Variants in GABRB2 observed in about 807,000 individuals in gnomAD.
GABRB2 encodes the protein gamma-aminobutyric acid receptor subunit beta-2.
In GABRB2, 16 loss-of-function variants were observed where a neutral mutation model predicts 54.7. The observed-to-expected ratio is 0.29, with a 90% CI of 0.20 to 0.44. GABRB2 has a LOEUF of 0.44. Ranked by LOEUF, GABRB2 falls within the 20% of genes least tolerant of loss-of-function variation. The probability of loss-of-function intolerance (pLI) is 1.00; values close to 1 mark genes in which losing one functional copy is unlikely to be tolerated. For missense variants in GABRB2, 355 were observed against 644.0 expected, an observed-to-expected ratio of 0.55 and a Z score of 4.86; for synonymous variants, 244 against 233.8, an observed-to-expected ratio of 1.04 and a Z score of -0.40.
At position 161,360,052 on chromosome 5, in the gene GABRB2, C is replaced by T. The variant is rs1213782812; in HGVS notation, c.542-23283G>A. On this transcript the variant is annotated intron_variant, in intron 5 of 9. Transcript: ENST00000393959. ...AAGGCAAGATTGTGCCACTGCACTACAGCCTTGGCGACACAGCGAGACTCC... is the reference window on the plus strand; with the variant it reads ...AAGGCAAGATTGTGCCACTGCACTATAGCCTTGGCGACACAGCGAGACTCC... Among the ~76,000 whole-genome samples, 18 of 150,446 alleles carry T rather than the reference C, an allele frequency of 1.2e-4. No homozygotes were observed. The Admixed American group carries it at 1.2e-3, about 10-fold the overall frequency.
At chr5:161,417,911 T>C (rs769049040) in intron 4 of GABRB2, among the ~76,000 whole-genome samples, 3 of 152,216 alleles carry the variant, frequency 2.0e-5, no homozygotes, top group Non-Finnish European at 4.4e-5. Flanking sequence ...CTCATAGTCA[T>C]ATGCACTACT....
rs1024844943 is a variant in GABRB2, at chr5:161,391,365, G to A, written c.541+19610C>T. 7.2e-5 allele frequency among the ~76,000 whole-genome samples: 11 copies of A among 152,228 alleles called. 1 individual carries two copies. The highest frequency in any genetic ancestry group is 2.4e-4 in the African/African-American group (10 of 41,560). ...TGTGAGAACTGTGGGTCAATTTAACGAGACAGGTTTTTAAACAATCTGTGA... is the reference window on the plus strand; with the variant it reads ...TGTGAGAACTGTGGGTCAATTTAACAAGACAGGTTTTTAAACAATCTGTGA... On this transcript the variant is annotated intron_variant, in intron 5 of 9. Coordinates refer to ENST00000393959, the MANE Select transcript of GABRB2 (RefSeq NM_001371727.1).
chr5:161,384,888 A>G (rs1018265202), intron 5 of GABRB2, among the ~76,000 whole-genome samples: 2 of 152,198 alleles, frequency 1.3e-5, no homozygotes, highest in African/African-American at 4.8e-5. Context: ...GATGTATGGT[A>G]GAAATGATGT....
chr5:161,516,831 G>A (rs1184970165), intron 3 of GABRB2, among the ~76,000 whole-genome samples: 1 of 152,050 alleles, frequency 6.6e-6, no homozygotes. Context: ...AGTATCCCAG[G>A]TGACAAAGAT....
chr5:161,540,793 A>T (rs1461028834), intron 3 of GABRB2, among the ~76,000 whole-genome samples: 1 of 152,110 alleles, frequency 6.6e-6, no homozygotes, highest in Non-Finnish European at 1.5e-5. Flanking sequence ...GTCAATGAGC[A>T]GCCATTATTT....
intron 4 of GABRB2, among the ~76,000 whole-genome samples, chr5:161,438,926 G>A (rs1012601397): frequency 6.6e-6 from 1 of 152,048 alleles, no homozygotes; most frequent in Admixed American, 6.6e-5. Flanking sequence ...CCTAAAAAGG[G>A]CAAATCTAAG....
At chr5:161,373,103 G>C (rs541741684) in intron 5 of GABRB2, among the ~76,000 whole-genome samples, 1 of 151,932 alleles carries the variant, frequency 6.6e-6, no homozygotes, top group African/African-American at 2.4e-5. Context: ...ATTCCTAACC[G>C]TATGCAAATG....
At chr5:161,325,186 A>G (rs1258812317) in intron 9 of GABRB2, among the ~76,000 whole-genome samples, 1 of 152,124 alleles carries the variant, frequency 6.6e-6, no homozygotes, top group African/African-American at 2.4e-5. Flanking sequence ...CAATCAAATC[A>G]GTCTACTTTA....
intron 4 of GABRB2, among the ~76,000 whole-genome samples, chr5:161,416,696 CAAAAAAAAAAAAA>C (rs70990782): frequency 1.1e-4 from 4 of 35,120 alleles, no homozygotes; most frequent in African/African-American, 2.0e-4. Context: ...GACTCCGTCT[CAAAAAAAAAAAAA>C]AAAAAAAAAA....
chr5:161,421,262 C>T (rs1034938871), intron 4 of GABRB2, among the ~76,000 whole-genome samples: 12 of 152,288 alleles, frequency 7.9e-5, no homozygotes, highest in East Asian at 1.9e-4. Flanking sequence ...TGAACAAAGA[C>T]GGCAAACTGT....
chr5:161,401,132 C>T (rs1398982460), intron 5 of GABRB2, among the ~76,000 whole-genome samples: 1 of 152,130 alleles, frequency 6.6e-6, no homozygotes, highest in African/African-American at 2.4e-5. Context: ...TTATGGTATA[C>T]ACATGCCCTT....
intron 5 of GABRB2, among the ~76,000 whole-genome samples, chr5:161,361,431 T>A (rs2113452481): frequency 6.6e-6 from 1 of 152,290 alleles, no homozygotes; most frequent in South Asian, 2.1e-4. Context: ...TATCTATGAT[T>A]TGATCCAGAC....
intron 3 of GABRB2, among the ~76,000 whole-genome samples, chr5:161,531,177 G>T (rs919840626): frequency 6.6e-6 from 1 of 152,062 alleles, no homozygotes; most frequent in Admixed American, 6.6e-5. Context: ...CCTAAAAATT[G>T]GCACCTGCTC....
At chr5:161,527,668 CAT>C (rs1760325380) in intron 3 of GABRB2, among the ~76,000 whole-genome samples, 1 of 151,316 alleles carries the variant, frequency 6.6e-6, no homozygotes, top group African/African-American at 2.4e-5. Context: ...TAATAAATGA[CAT>C]AAAAAGGCAA....
intron 3 of GABRB2, among the ~76,000 whole-genome samples, chr5:161,504,926 C>G (rs1377004550): frequency 1.3e-5 from 2 of 151,858 alleles, no homozygotes; most frequent in Non-Finnish European, 2.9e-5. Context: ...TATGAATAGG[C>G]CAATAACTAT....
chr5:161,456,065 A>G (rs1475785678), intron 4 of GABRB2, among the ~76,000 whole-genome samples: 2 of 152,178 alleles, frequency 1.3e-5, no homozygotes, highest in Non-Finnish European at 2.9e-5. Context: ...TCTTAATGGG[A>G]AAGAAGTTTA....
intron 5 of GABRB2, among the ~76,000 whole-genome samples, chr5:161,363,581 A>T (rs1754884244): frequency 6.6e-6 from 1 of 152,172 alleles, no homozygotes; most frequent in Non-Finnish European, 1.5e-5. Flanking sequence ...CCATGCCTAT[A>T]GTCCCAGCTA....
At chr5:161,408,455 T>TA (rs1022457184) in intron 5 of GABRB2, among the ~76,000 whole-genome samples, 2 of 151,994 alleles carry the variant, frequency 1.3e-5, no homozygotes, top group African/African-American at 4.8e-5. Context: ...CGATACCTGG[T>TA]AAAAGATTAG....
At chr5:161,305,405 T>C (rs953762694) in intron 9 of GABRB2, among the ~76,000 whole-genome samples, 1 of 152,230 alleles carries the variant, frequency 6.6e-6, no homozygotes, top group Admixed American at 6.5e-5. Context: ...AGAATGAAGT[T>C]AAGTTTTGCA....
Sources: allele counts gnomAD v4.1 joint callset (sites outside exome capture counted in the v4.1 genomes callset), GRCh38; gene constraint gnomAD v4.1.1; transcripts MANE v1.5; gene names NCBI Gene and HGNC (gene_info 2026-07-23, HGNC 2026-07-21).